The following ROBO2 variants were observed in gnomAD, a reference collection of about 807,000 sequenced individuals.
ROBO2 encodes the protein roundabout homolog 2.
A neutral mutation model predicts 160.8 loss-of-function variants in ROBO2; 53 were observed. The ratio of observed to expected loss-of-function variants is 0.33; its 90% CI spans 0.26 to 0.41. The LOEUF is 0.41. Ranked by LOEUF, ROBO2 falls within the 10% of genes least tolerant of loss-of-function variation. The pLI is 1.00. For missense variants in ROBO2, 1,577 were observed against 1,722.4 expected (o/e 0.92, Z 1.49); for synonymous variants, 664 against 611.7 (o/e 1.09, Z -1.26).
At chr3:76,110,058 A>AATAT (rs142775489) in intron 2 of ROBO2, among the ~76,000 whole-genome samples, 2 of 149,634 alleles carry the variant, frequency 1.3e-5, no homozygotes, top group African/African-American at 4.9e-5. Flanking sequence ...TATATGAATG[A>AATAT]ATATATATAT....
At chr3:77,544,592 A>G (rs1266257448) in intron 6 of ROBO2, among the ~76,000 whole-genome samples, 2 of 152,076 alleles carry the variant, frequency 1.3e-5, no homozygotes, top group Non-Finnish European at 2.9e-5. Context: ...GGATTCTTGT[A>G]AGGATGAAGA....
At chr3:76,605,817 T>G (rs951124820) in intron 2 of ROBO2, among the ~76,000 whole-genome samples, 1 of 152,182 alleles carries the variant, frequency 6.6e-6, no homozygotes, top group African/African-American at 2.4e-5. Flanking sequence ...CCTTATTTGA[T>G]AGGTGCAGCC....
chr3:76,786,307 A>G (rs948195794), intron 2 of ROBO2, among the ~76,000 whole-genome samples: 14 of 151,420 alleles, frequency 9.2e-5, no homozygotes, highest in South Asian at 4.1e-4. Context: ...TCGCACCACT[A>G]TAAAGATGTA....
intron 2 of ROBO2, among the ~76,000 whole-genome samples, chr3:76,326,060 GTGATTAATTTTTGATGATGC>G (rs1243512803): frequency 6.6e-6 from 1 of 152,080 alleles, no homozygotes; most frequent in African/African-American, 2.4e-5. Flanking sequence ...TGTTATTTTG[GTGATTAATTTTTGATGATGC>G]TAAATATTTT....
intron 2 of ROBO2, among the ~76,000 whole-genome samples, chr3:77,231,539 A>T (rs541955312): frequency 1.3e-5 from 2 of 151,958 alleles, no homozygotes; most frequent in Non-Finnish European, 2.9e-5. Flanking sequence ...AGTTTTTAAA[A>T]CCTCACCTCC....
intron 1 of ROBO2, among the ~76,000 whole-genome samples, chr3:77,054,520 G>A (rs4343667): frequency 0.5 from 76,349 of 151,914 alleles, 23,079 homozygotes; most frequent in Middle Eastern, 0.69. Flanking sequence ...GAAGTGTGTC[G>A]CATTTACCAC....
chr3:76,284,728 G>C (rs1372454190), intron 2 of ROBO2, among the ~76,000 whole-genome samples: 2 of 152,080 alleles, frequency 1.3e-5, no homozygotes, highest in Admixed American at 1.3e-4. Context: ...CCAGAGGCCT[G>C]ACCTTTGGAT....
chr3:76,438,863 G>A (rs1408466970), intron 2 of ROBO2, among the ~76,000 whole-genome samples: 2 of 151,742 alleles, frequency 1.3e-5, no homozygotes, highest in African/African-American at 2.4e-5. Context: ...GAGATTTTGA[G>A]ATAAGTGTCG....
At chr3:76,777,436 A>C (rs752171666) in intron 2 of ROBO2, among the ~76,000 whole-genome samples, 2 of 151,184 alleles carry the variant, frequency 1.3e-5, no homozygotes, top group African/African-American at 2.4e-5. Flanking sequence ...AATGGCTTTA[A>C]TTTTAAAATA....
intron 2 of ROBO2, among the ~76,000 whole-genome samples, chr3:76,471,231 G>T (rs1463164279): frequency 6.6e-6 from 1 of 152,008 alleles, no homozygotes; most frequent in Non-Finnish European, 1.5e-5. Context: ...CAGGTAACAG[G>T]GCAAGAAATA....
chr3:77,294,278 G>C (rs1338790271), intron 2 of ROBO2, among the ~76,000 whole-genome samples: 1 of 144,360 alleles, frequency 6.9e-6, no homozygotes, highest in East Asian at 2.0e-4. Context: ...GTTGAGGCTA[G>C]AGCACTAAAG....
intron 2 of ROBO2, among the ~76,000 whole-genome samples, chr3:77,211,244 G>A (rs2084111273): frequency 6.6e-6 from 1 of 152,112 alleles, no homozygotes. Flanking sequence ...ATCCTCTCTA[G>A]CACCTGTTGT....
intron 2 of ROBO2, among the ~76,000 whole-genome samples, chr3:76,833,876 G>A (rs532597971): frequency 2.6e-5 from 4 of 152,144 alleles, no homozygotes; most frequent in South Asian, 4.1e-4. Flanking sequence ...TTTGCACTGG[G>A]TGGATTTGAG....
At chr3:76,739,217 C>T (rs1222311570) in intron 2 of ROBO2, among the ~76,000 whole-genome samples, 1 of 152,068 alleles carries the variant, frequency 6.6e-6, no homozygotes, top group Non-Finnish European at 1.5e-5. Context: ...ATAGCAAAGA[C>T]TTGGAACCAA....
chr3:76,247,300 T>C (rs1705680160), intron 2 of ROBO2, among the ~76,000 whole-genome samples: 1 of 152,124 alleles, frequency 6.6e-6, no homozygotes, highest in African/African-American at 2.4e-5. Context: ...GTCTCCATGG[T>C]ATCTCCCCAG....
At chr3:76,816,780 T>C (rs2065703200) in intron 2 of ROBO2, among the ~76,000 whole-genome samples, 1 of 152,066 alleles carries the variant, frequency 6.6e-6, no homozygotes, top group African/African-American at 2.4e-5. Flanking sequence ...TATATGTTTA[T>C]TGTGGCACTA....
chr3:76,501,368 C>T (rs2080454323), intron 2 of ROBO2, among the ~76,000 whole-genome samples: 1 of 152,148 alleles, frequency 6.6e-6, no homozygotes, highest in Non-Finnish European at 1.5e-5. Context: ...ATTATATTAT[C>T]CCAATCCTCT....
intron 2 of ROBO2, among the ~76,000 whole-genome samples, chr3:77,007,514 A>T (rs2061644496): frequency 6.6e-6 from 1 of 152,046 alleles, no homozygotes; most frequent in Admixed American, 6.6e-5. Flanking sequence ...GAAAACACAC[A>T]TACACTTATT....
chr3:76,014,859 T>C (rs927175334), intron 2 of ROBO2, among the ~76,000 whole-genome samples: 10 of 152,250 alleles, frequency 6.6e-5, no homozygotes, highest in African/African-American at 1.9e-4. Context: ...GCCAGGGAGA[T>C]TGAGGTTGCA....
Sources: gnomAD v4.1 joint callset for allele counts (sites outside exome capture counted in the v4.1 genomes callset) on GRCh38, gnomAD v4.1.1 for gene constraint, MANE v1.5 for transcripts, NCBI Gene and HGNC (gene_info 2026-07-23, HGNC 2026-07-21) for gene names.